The following PLXDC2 variants were observed in gnomAD, a reference collection of about 807,000 sequenced individuals.
PLXDC2 encodes the protein plexin domain-containing protein 2.
In PLXDC2, 40 loss-of-function variants were observed where a neutral mutation model predicts 68.9. The observed-to-expected ratio is 0.58, with a 90% CI of 0.45 to 0.76. The LOEUF is 0.76. Ranked by LOEUF, PLXDC2 falls within the 30% of genes least tolerant of loss-of-function variation. The pLI, the probability that PLXDC2 is intolerant of heterozygous loss-of-function variation, is 0.00. For missense variants in PLXDC2, 644 were observed against 661.9 expected, an observed-to-expected ratio of 0.97 and a Z score of 0.30; for synonymous variants, 243 against 234.2, an observed-to-expected ratio of 1.04 and a Z score of -0.34.
chr10:20,285,419 C>T lies in PLXDC2; in HGVS notation c.*5600C>T, dbSNP rs1564376938. ...CGATCATTATAATACAATAACATCC[C>T]TAAACCAGACTTTACAAGTAGATAG... On this transcript the variant is annotated 3_prime_UTR_variant, in exon 14 of 14. Coordinates refer to ENST00000377252, the MANE Select transcript of PLXDC2 (RefSeq NM_032812.9). The T allele has an allele frequency of 3.3e-5, 5 of 152,130 alleles. 1 individual carries two copies. In the South Asian group the frequency reaches 1.0e-3, roughly 31 times the overall value. 9.4% of individuals were successfully genotyped at this position (152,130 alleles called of 1,614,324 possible). A position where few individuals can be genotyped will look rare whatever the true frequency, so the allele number is the denominator to read the frequency against.
At chr10:19,911,919 G>T (rs1178828063) in intron 1 of PLXDC2, among the ~76,000 whole-genome samples, 2 of 152,132 alleles carry the variant, frequency 1.3e-5, no homozygotes, top group Non-Finnish European at 2.9e-5. Context: ...TAAGCAAATT[G>T]TTTCTCTTTC....
intron 1 of PLXDC2, among the ~76,000 whole-genome samples, chr10:19,899,045 A>G (rs970071994): frequency 6.6e-6 from 1 of 152,332 alleles, no homozygotes; most frequent in Admixed American, 6.5e-5. Context: ...AACTCAAAAG[A>G]TGACCCATTA....
intron 4 of PLXDC2, among the ~76,000 whole-genome samples, chr10:20,121,484 A>G (rs1242286988): frequency 1.3e-5 from 2 of 152,154 alleles, no homozygotes; most frequent in Non-Finnish European, 2.9e-5. Context: ...ACAGATGAGG[A>G]TGAAATTTGG....
At chr10:20,250,870 C>A (rs1477195605) in intron 13 of PLXDC2, among the ~76,000 whole-genome samples, 1 of 152,128 alleles carries the variant, frequency 6.6e-6, no homozygotes, top group African/African-American at 2.4e-5. Context: ...ATGATAATGT[C>A]AGTGGCTGTT....
intron 2 of PLXDC2, among the ~76,000 whole-genome samples, chr10:20,020,440 G>T (rs983684691): frequency 6.6e-6 from 1 of 151,898 alleles, no homozygotes; most frequent in Non-Finnish European, 1.5e-5. Flanking sequence ...GACAAAAGAA[G>T]CCACTTTAAT....
Position 20,090,109 on chromosome 10 carries a change from G to A in PLXDC2, c.541+21870G>A, listed in dbSNP as rs768846069. Among the ~76,000 whole-genome samples the A allele has an allele frequency of 4.6e-5, 7 of 152,284 alleles. No homozygotes were observed. The Middle Eastern group carries it at 0.01, about 222-fold the overall frequency. On this transcript the variant is annotated intron_variant, in intron 4 of 13. Transcript: ENST00000377252. ...CCAGTTGGTAAACCAGCTGTCCTAAGTGCTGGGTGCACAGAGCCCACAGAT... is the reference window on the plus strand; with the variant it reads ...CCAGTTGGTAAACCAGCTGTCCTAAATGCTGGGTGCACAGAGCCCACAGAT...
chr10:20,156,694 C>T (rs1414003383), intron 6 of PLXDC2, among the ~76,000 whole-genome samples: 7 of 152,040 alleles, frequency 4.6e-5, no homozygotes, highest in Non-Finnish European at 8.8e-5. Context: ...AGGAATTGAT[C>T]GTTTGATGAT....
At chr10:20,114,177 G>C (rs1833594233) in intron 4 of PLXDC2, among the ~76,000 whole-genome samples, 1 of 152,172 alleles carries the variant, frequency 6.6e-6, no homozygotes, top group Admixed American at 6.5e-5. Context: ...TCAAGTCTTT[G>C]TTGAACTCTT....
intron 1 of PLXDC2, among the ~76,000 whole-genome samples, chr10:19,830,505 A>G (rs1038988590): frequency 2.0e-5 from 3 of 152,172 alleles, no homozygotes; most frequent in Admixed American, 6.5e-5. Context: ...TATGGTGTGA[A>G]CATCTGATAT....
At chr10:19,936,266 T>C (rs1392182580) in intron 1 of PLXDC2, among the ~76,000 whole-genome samples, 1 of 152,224 alleles carries the variant, frequency 6.6e-6, no homozygotes, top group Non-Finnish European at 1.5e-5. Flanking sequence ...TCTCAGGGTC[T>C]CTATCACCAT....
At chr10:20,234,496 G>A (rs1489989370) in intron 12 of PLXDC2, among the ~76,000 whole-genome samples, 1 of 152,114 alleles carries the variant, frequency 6.6e-6, no homozygotes, top group African/African-American at 2.4e-5. Context: ...CAGTATTGGT[G>A]CAAAGCAGTG....
In PLXDC2 at chr10:20,068,166, G is replaced by A. The variant is rs370363207; in HGVS notation, c.472-4G>A. 90 of 1,610,496 alleles carry A rather than the reference G, an allele frequency of 5.6e-5. No individual in the cohort carries two copies. In the African/African-American group the frequency reaches 1.1e-3, roughly 20 times the overall value. On this transcript the variant is annotated splice_polypyrimidine_tract_variant and splice_region_variant and intron_variant, in intron 3 of 13. Coordinates refer to ENST00000377252, the MANE Select transcript of PLXDC2 (RefSeq NM_032812.9). ...ATTTTTTTCTCTGGTGTTGTTCTTT[G>A]CAGAGAGTGAATCTGTCCTTCGATT...
intron 1 of PLXDC2, among the ~76,000 whole-genome samples, chr10:19,827,187 T>C (rs1005686135): frequency 6.6e-6 from 1 of 152,220 alleles, no homozygotes; most frequent in Non-Finnish European, 1.5e-5. Flanking sequence ...AAATAAGCCC[T>C]GCTGAGATAA....
chr10:19,994,024 T>C (rs1263048494), intron 1 of PLXDC2, among the ~76,000 whole-genome samples: 4 of 152,168 alleles, frequency 2.6e-5, no homozygotes, highest in Non-Finnish European at 5.9e-5. Context: ...CTTAAAATTG[T>C]TCTTTTTTTC....
chr10:19,930,780 A>G (rs778408626), intron 1 of PLXDC2, among the ~76,000 whole-genome samples: 1 of 151,982 alleles, frequency 6.6e-6, no homozygotes, highest in Non-Finnish European at 1.5e-5. Flanking sequence ...CTGACCAACA[A>G]GGTGAAATCC....
At position 20,068,614 on chromosome 10, in the gene PLXDC2, TTATATATATATAA is replaced by T. The variant is rs1224343305; in HGVS notation, c.541+383_541+395del. The stretch of plus-strand genomic sequence containing the variant: ...AATGTATATAGTTGCTATATATATA[TTATATATATATAA>T]TATATATTTACATATATATGCACTT... On this transcript the variant is annotated intron_variant, in intron 4 of 13. Coordinates refer to ENST00000377252, the MANE Select transcript of PLXDC2 (RefSeq NM_032812.9). 2.0e-5 allele frequency among the ~76,000 whole-genome samples: 3 copies of T among 147,520 alleles called. No homozygotes were observed. In the Admixed American group the frequency reaches 2.0e-4, roughly 10 times the overall value.
intron 4 of PLXDC2, among the ~76,000 whole-genome samples, chr10:20,074,187 A>G (rs1836393169): frequency 6.6e-6 from 1 of 152,166 alleles, no homozygotes; most frequent in Non-Finnish European, 1.5e-5. Context: ...TACCTTGATC[A>G]TAGGAAGAAT....
intron 10 of PLXDC2, among the ~76,000 whole-genome samples, chr10:20,213,833 C>T (rs1246757235): frequency 6.6e-6 from 1 of 152,090 alleles, no homozygotes; most frequent in Non-Finnish European, 1.5e-5. Context: ...TAAATGTACT[C>T]TTCAGCTATA....
chr10:20,134,187 TC>T (rs1362561151), intron 4 of PLXDC2, among the ~76,000 whole-genome samples: 1 of 152,226 alleles, frequency 6.6e-6, no homozygotes, highest in Admixed American at 6.5e-5. Flanking sequence ...TATTTTCAAT[TC>T]TTTGTCAGGC....
Sources: gnomAD v4.1 joint callset for allele counts (sites outside exome capture counted in the v4.1 genomes callset) on GRCh38, gnomAD v4.1.1 for gene constraint, MANE v1.5 for transcripts, NCBI Gene and HGNC (gene_info 2026-07-23, HGNC 2026-07-21) for gene names.